Variants in ARHGAP24 observed in about 807,000 individuals in gnomAD.
ARHGAP24 encodes Rho GTPase activating protein 24.
ARHGAP24 carries 50 observed loss-of-function variants against 76.4 expected under a neutral mutation model. That is an observed-to-expected ratio of 0.65 (90% confidence interval 0.52 to 0.83). ARHGAP24 has a LOEUF of 0.83. ARHGAP24 is among the 40% of genes least tolerant of loss of function. ARHGAP24 has a pLI of 0.00. For missense variants in ARHGAP24, 930 were observed against 914.2 expected, an observed-to-expected ratio of 1.02 and a Z score of -0.22; for synonymous variants, 345 against 323.3, an observed-to-expected ratio of 1.07 and a Z score of -0.72.
At chr4:85,682,918 T>A (rs1723261791) in intron 2 of ARHGAP24, among the ~76,000 whole-genome samples, 1 of 152,134 alleles carries the variant, frequency 6.6e-6, no homozygotes, top group Admixed American at 6.6e-5. Context: ...CAAAGACACA[T>A]AATATGATTT....
intron 1 of ARHGAP24, among the ~76,000 whole-genome samples, chr4:85,558,939 C>T (rs1349985717): frequency 2.0e-5 from 3 of 152,170 alleles, no homozygotes; most frequent in Admixed American, 6.5e-5. Flanking sequence ...CAATCAACAA[C>T]ATTTGATTCT....
chr4:85,967,593 A>G (rs9994672), intron 5 of ARHGAP24, among the ~76,000 whole-genome samples: 1,987 of 152,258 alleles, frequency 0.013, 41 homozygotes, highest in African/African-American at 0.045. Context: ...GACATATGCT[A>G]CAAAGCTCCT....
intron 3 of ARHGAP24, among the ~76,000 whole-genome samples, chr4:85,850,212 C>T (rs1370824933): frequency 6.6e-6 from 1 of 152,140 alleles, no homozygotes; most frequent in Non-Finnish European, 1.5e-5. Context: ...TCCATTTCTT[C>T]TAGATTTTCT....
chr4:85,506,540 A>AAGGGAAGGGAAAT lies in ARHGAP24; in HGVS notation c.-21+30981_-21+30982insAGGGAAGGGAAAT, dbSNP rs1560512565. Among the ~76,000 whole-genome samples, 26 of 152,214 alleles carry AAGGGAAGGGAAAT rather than the reference A, an allele frequency of 1.7e-4. 3 individuals carry two copies. The highest frequency in any genetic ancestry group is 6.3e-4 in the African/African-American group (26 of 41,490). On this transcript the variant is annotated intron_variant, in intron 1 of 9. Transcript: ENST00000395184. Reference sequence around the variant, plus strand: ...GTGAGCAAGGCTCTGTGGGCATGGGACCCACTGAGCCAGGCACAGAAGAAA... The same window carrying AAGGGAAGGGAAAT: ...GTGAGCAAGGCTCTGTGGGCATGGGAAGGGAAGGGAAATCCCACTGAGCCAGGCACAGAAGAAA...
At chr4:85,699,603 A>G (rs1291118078) in intron 2 of ARHGAP24, among the ~76,000 whole-genome samples, 6 of 146,698 alleles carry the variant, frequency 4.1e-5, no homozygotes, top group Admixed American at 4.1e-4. Context: ...CCCTGTCTCA[A>G]TTTTTTTTTT....
intron 3 of ARHGAP24, among the ~76,000 whole-genome samples, chr4:85,864,395 A>G (rs1732073588): frequency 1.3e-5 from 2 of 152,082 alleles, no homozygotes; most frequent in South Asian, 4.1e-4. Context: ...AACTTTGAAT[A>G]AAATTTTAGT....
At chr4:85,718,304 A>C (rs1724807978) in intron 2 of ARHGAP24, among the ~76,000 whole-genome samples, 1 of 152,122 alleles carries the variant, frequency 6.6e-6, no homozygotes, top group Admixed American at 6.6e-5. Context: ...ACAACAATAC[A>C]TGACTTTTAA....
At chr4:85,550,254 C>T (rs1189843706) in intron 1 of ARHGAP24, among the ~76,000 whole-genome samples, 3 of 152,188 alleles carry the variant, frequency 2.0e-5, no homozygotes, top group African/African-American at 7.2e-5. Context: ...CAGTTTCAAT[C>T]TTCTGCATAT....
chr4:85,971,914 C>G, intron 5 of ARHGAP24, 122 bp from the exon 6 acceptor site: 1 of 1,407,946 alleles, frequency 7.1e-7, no homozygotes. Context: ...TCTCTGAAAA[C>G]TGGGTTGATT....
intron 2 of ARHGAP24, among the ~76,000 whole-genome samples, chr4:85,690,877 A>G (rs1237508205): frequency 3.3e-5 from 5 of 150,960 alleles, no homozygotes; most frequent in African/African-American, 1.2e-4. Flanking sequence ...TTCTTCTAAT[A>G]GCTTTGGGAT....
chr4:85,801,856 A>G (rs1476017602), intron 3 of ARHGAP24, among the ~76,000 whole-genome samples: 5 of 152,258 alleles, frequency 3.3e-5, no homozygotes, highest in Admixed American at 3.3e-4. Flanking sequence ...ACATTATTCA[A>G]GCTCAAGAGA....
intron 3 of ARHGAP24, among the ~76,000 whole-genome samples, chr4:85,913,106 A>G (rs1170905504): frequency 6.6e-6 from 1 of 151,758 alleles, no homozygotes; most frequent in East Asian, 1.9e-4. Context: ...CTCATTTTAA[A>G]CCTCCTTGTA....
At position 85,994,904 on chromosome 4, in the gene ARHGAP24, C is replaced by G. The variant is rs756950646; in HGVS notation, c.1250C>G (p.Pro417Arg). ...AAGCTAGATGTGTCTAGAAGCCCCC[C>G]TCTCATGGTCAAAAAGAACCCAGCC... ...VHKLDVSRSP[P>R]LMVKKNPAFN... is the part of the protein sequence containing the mutation. Residue 417 changes from proline to arginine, a missense_variant, in exon 9 of 10, where the codon CCT becomes CGT. Pro to Arg is a moderately radical substitution (Grantham distance 103, BLOSUM62 -2). Coordinates refer to ENST00000395184, the MANE Select transcript of ARHGAP24 (RefSeq NM_001025616.3). 8.7e-6 allele frequency: 14 copies of G among 1,614,086 alleles called. No individual in the cohort carries two copies. Among genetic ancestry groups the G allele is most frequent in the Middle Eastern group, 1.6e-4 (1 of 6,062 alleles).
intron 1 of ARHGAP24, among the ~76,000 whole-genome samples, chr4:85,500,650 A>G (rs1723766642): frequency 6.6e-6 from 1 of 152,214 alleles, no homozygotes; most frequent in South Asian, 2.1e-4. Flanking sequence ...AAATTAAGCA[A>G]TAACTATGAA....
chr4:85,822,858 C>T (rs949241587), intron 3 of ARHGAP24, among the ~76,000 whole-genome samples: 9 of 152,108 alleles, frequency 5.9e-5, no homozygotes, highest in Non-Finnish European at 5.9e-5. Context: ...TTTTAAAAAT[C>T]AGTGAAGTCC....
intron 3 of ARHGAP24, among the ~76,000 whole-genome samples, chr4:85,821,738 C>A (rs1729482877): frequency 1.3e-5 from 2 of 152,008 alleles, no homozygotes; most frequent in African/African-American, 4.8e-5. Context: ...GTTTTTAAAT[C>A]AACCAAGATG....
intron 5 of ARHGAP24, among the ~76,000 whole-genome samples, chr4:85,959,548 T>C (rs11097084): frequency 0.21 from 31,790 of 152,184 alleles, 3,581 homozygotes; most frequent in South Asian, 0.39. Flanking sequence ...TTCCCTTTTA[T>C]TGAAGAGTTG....
At chr4:85,561,074 G>A (rs76777179) in intron 1 of ARHGAP24, among the ~76,000 whole-genome samples, 3,324 of 152,244 alleles carry the variant, frequency 0.022, 112 homozygotes, top group African/African-American at 0.077. Flanking sequence ...CATCTGATGG[G>A]TTCCAGGGAG....
intron 3 of ARHGAP24, among the ~76,000 whole-genome samples, chr4:85,825,989 G>A (rs1729694344): frequency 6.6e-6 from 1 of 152,096 alleles, no homozygotes; most frequent in African/African-American, 2.4e-5. Context: ...ATGCTTATCT[G>A]TAAAATAAGA....
Sources: allele counts gnomAD v4.1 joint callset (sites outside exome capture counted in the v4.1 genomes callset), GRCh38; gene constraint gnomAD v4.1.1; transcripts MANE v1.5; gene names NCBI Gene and HGNC (gene_info 2026-07-23, HGNC 2026-07-21).